The following ADK variants were observed in gnomAD, a reference collection of about 807,000 sequenced individuals.
ADK encodes adenosine kinase, also known as N6,N6-dimethyladenosine kinase.
A neutral mutation model predicts 44.7 loss-of-function variants in ADK; 24 were observed. The ratio of observed to expected loss-of-function variants is 0.54; its 90% confidence interval spans 0.39 to 0.76. ADK has a LOEUF of 0.76. ADK is among the 30% of genes least tolerant of loss of function. The pLI is 0.00. For missense variants in ADK, 321 were observed against 425.1 expected (o/e 0.76, Z 2.15); for synonymous variants, 128 against 142.6 (o/e 0.90, Z 0.73).
chr10:74,383,812 A>G (rs982470583), intron 4 of ADK, among the ~76,000 whole-genome samples: 1 of 152,072 alleles, frequency 6.6e-6, no homozygotes, highest in East Asian at 1.9e-4. Context: ...TGAGATAAGG[A>G]TGTTCTTTTT....
chr10:74,246,669 C>T (rs1180508952), intron 3 of ADK, among the ~76,000 whole-genome samples: 1 of 152,212 alleles, frequency 6.6e-6, no homozygotes, highest in Non-Finnish European at 1.5e-5. Flanking sequence ...TTATCTGTCT[C>T]TCCTGATTTT....
chr10:74,492,826 T>C (rs991311353), intron 6 of ADK, among the ~76,000 whole-genome samples: 14 of 152,192 alleles, frequency 9.2e-5, no homozygotes, highest in Admixed American at 3.3e-4. Context: ...TTTTATCCTA[T>C]TGCTGATGAT....
chr10:74,625,681 TA>T (rs2134042156), intron 9 of ADK, among the ~76,000 whole-genome samples: 1 of 152,252 alleles, frequency 6.6e-6, no homozygotes, highest in African/African-American at 2.4e-5. Context: ...CATGGGGTTA[TA>T]GTGAGACAAA....
At chr10:74,200,004 T>C (rs1392627508) in intron 1 of ADK, among the ~76,000 whole-genome samples, 1 of 152,020 alleles carries the variant, frequency 6.6e-6, no homozygotes, top group Non-Finnish European at 1.5e-5. Flanking sequence ...TCTTTGGGTA[T>C]ATACCCATAA....
At chr10:74,211,719 G>A (rs987521944) in intron 2 of ADK, among the ~76,000 whole-genome samples, 8 of 152,090 alleles carry the variant, frequency 5.3e-5, no homozygotes, top group African/African-American at 1.7e-4. Context: ...TTGAAGTGTG[G>A]CTAGTGCAAC....
At chr10:74,480,473 C>A (rs1019335975) in intron 6 of ADK, among the ~76,000 whole-genome samples, 3 of 151,814 alleles carry the variant, frequency 2.0e-5, no homozygotes, top group African/African-American at 7.3e-5. Context: ...AGACAGGGAT[C>A]CTGCTATGTT....
chr10:74,632,390 A>T (rs1344741859), intron 9 of ADK, among the ~76,000 whole-genome samples: 1 of 152,198 alleles, frequency 6.6e-6, no homozygotes, highest in Non-Finnish European at 1.5e-5. Flanking sequence ...AAAGAACAAA[A>T]ATTTATTATT....
At chr10:74,664,902 T>C (rs1369898382) in intron 9 of ADK, among the ~76,000 whole-genome samples, 2 of 152,210 alleles carry the variant, frequency 1.3e-5, no homozygotes, top group East Asian at 3.8e-4. Flanking sequence ...AAAATATTGC[T>C]ATAAAATACA....
At chr10:74,334,674 A>T (rs1369674224) in intron 4 of ADK, among the ~76,000 whole-genome samples, 1 of 152,046 alleles carries the variant, frequency 6.6e-6, no homozygotes, top group Non-Finnish European at 1.5e-5. Context: ...GGTGACTTGT[A>T]TTGAGGGTTC....
chr10:74,192,559 GCTCT>G (rs1842989886), intron 1 of ADK, among the ~76,000 whole-genome samples: 3 of 138,330 alleles, frequency 2.2e-5, no homozygotes, highest in Non-Finnish European at 3.0e-5. Context: ...ATATGGTTTT[GCTCT>G]CTCTGTCACT....
chr10:74,276,380 A>G (rs1846680879), intron 3 of ADK, among the ~76,000 whole-genome samples: 1 of 152,152 alleles, frequency 6.6e-6, no homozygotes, highest in South Asian at 2.1e-4. Context: ...TGACAGGGGT[A>G]TTGCTTTCTG....
intron 2 of ADK, among the ~76,000 whole-genome samples, chr10:74,213,362 C>T (rs535270747): frequency 1.2e-4 from 19 of 152,236 alleles, no homozygotes; most frequent in Non-Finnish European, 1.5e-4. Context: ...TCTCAAAGTG[C>T]TGGGATTACA....
At chr10:74,216,732 A>AG (rs1554830206) in intron 2 of ADK, among the ~76,000 whole-genome samples, 1 of 151,532 alleles carries the variant, frequency 6.6e-6, no homozygotes, top group Admixed American at 6.6e-5. Context: ...CTCAAAAAAA[A>AG]AAATAAAAAA....
chr10:74,210,413 A>G (rs1843772316), intron 2 of ADK, among the ~76,000 whole-genome samples: 1 of 151,964 alleles, frequency 6.6e-6, no homozygotes, highest in Non-Finnish European at 1.5e-5. Context: ...TACAGATCTA[A>G]ACCTTTAATA....
intron 3 of ADK, among the ~76,000 whole-genome samples, chr10:74,227,755 A>G (rs1213067997): frequency 6.6e-6 from 1 of 151,978 alleles, no homozygotes; most frequent in Non-Finnish European, 1.5e-5. Context: ...GAGGCAGGAG[A>G]ATTGCTTGAA....
At chr10:74,513,605 C>T (rs1228915409) in intron 6 of ADK, among the ~76,000 whole-genome samples, 1 of 152,106 alleles carries the variant, frequency 6.6e-6, no homozygotes, top group Non-Finnish European at 1.5e-5. Flanking sequence ...CATCCACTTC[C>T]AGTCTGTGTG....
intron 1 of ADK, among the ~76,000 whole-genome samples, chr10:74,180,213 TA>T (rs1336089909): frequency 9.6e-6 from 1 of 103,852 alleles, no homozygotes; most frequent in Non-Finnish European, 2.4e-5. Context: ...TTCTTTTTAT[TA>T]TTATTATTAT....
intron 3 of ADK, among the ~76,000 whole-genome samples, chr10:74,284,761 G>A (rs150824855): frequency 6.6e-6 from 1 of 152,228 alleles, no homozygotes; most frequent in Non-Finnish European, 1.5e-5. Flanking sequence ...ATGTGTATTT[G>A]GTTTTAAAAA....
Position 74,458,510 on chromosome 10 carries a change from A to T in ADK, c.555+59931A>T, listed in dbSNP as rs117737993. On this transcript the variant is annotated intron_variant, in intron 6 of 10. Coordinates refer to ENST00000539909, the MANE Select transcript of ADK (RefSeq NM_006721.4). The stretch of plus-strand genomic sequence containing the variant: ...TAACCAAGAAAATTTAACTTCAGAT[A>T]TCACCTAGTTGTAAGTTATCTCTCC... 4.7e-4 allele frequency among the ~76,000 whole-genome samples: 72 copies of T among 152,150 alleles called. No homozygotes were observed. In the East Asian group the frequency reaches 8.7e-3, roughly 18 times the overall value.
Sources: gnomAD v4.1 joint callset for allele counts (sites outside exome capture counted in the v4.1 genomes callset) on GRCh38, gnomAD v4.1.1 for gene constraint, MANE v1.5 for transcripts, NCBI Gene and HGNC (gene_info 2026-07-23, HGNC 2026-07-21) for gene names.